HS3ST4: variants seen among roughly 807,000 people sequenced by gnomAD.
The protein encoded by HS3ST4 is heparan sulfate glucosamine 3-O-sulfotransferase 4.
Under a neutral mutation model 29.2 loss-of-function variants are expected in HS3ST4, and 17 were observed. The observed-to-expected ratio is 0.58, with a 90% CI of 0.40 to 0.87. The LOEUF is 0.87. Ranked by LOEUF, HS3ST4 falls within the 40% of genes least tolerant of loss-of-function variation. The pLI is 0.00. For missense variants in HS3ST4, 627 were observed against 634.5 expected (o/e 0.99, Z 0.13); for synonymous variants, 314 against 285.7 (o/e 1.10, Z -1.00).
At chr16:26,033,851 A>G (rs1969556877) in intron 1 of HS3ST4, among the ~76,000 whole-genome samples, 1 of 152,220 alleles carries the variant, frequency 6.6e-6, no homozygotes, top group South Asian at 2.1e-4. Context: ...TCTGAGCCTC[A>G]AGAGACTCAT....
At chr16:26,055,221 G>A (rs1437998686) in intron 1 of HS3ST4, among the ~76,000 whole-genome samples, 1 of 152,030 alleles carries the variant, frequency 6.6e-6, no homozygotes, top group Admixed American at 6.6e-5. Context: ...AGGATTTGAA[G>A]TTAGACTGGC....
At chr16:26,099,853 A>G (rs1400270709) in intron 1 of HS3ST4, among the ~76,000 whole-genome samples, 1 of 152,166 alleles carries the variant, frequency 6.6e-6, no homozygotes, top group African/African-American at 2.4e-5. Flanking sequence ...CAGTGGTGAT[A>G]AGTATTAGGG....
At chr16:26,125,386 G>A (rs957288989) in intron 1 of HS3ST4, among the ~76,000 whole-genome samples, 3 of 152,260 alleles carry the variant, frequency 2.0e-5, no homozygotes, top group East Asian at 1.9e-4. Context: ...TCTTGCTTCC[G>A]CAGTTCACAA....
intron 1 of HS3ST4, among the ~76,000 whole-genome samples, chr16:25,866,270 C>T (rs966377335): frequency 4.6e-5 from 7 of 152,262 alleles, no homozygotes; most frequent in African/African-American, 1.7e-4. Flanking sequence ...TGTGAGTTCA[C>T]TTGTACTTCT....
intron 1 of HS3ST4, among the ~76,000 whole-genome samples, chr16:25,892,931 C>A (rs867808847): frequency 6.6e-6 from 1 of 152,036 alleles, no homozygotes; most frequent in Non-Finnish European, 1.5e-5. Context: ...AATAAGTAGA[C>A]AAATGAAAGC....
intron 1 of HS3ST4, among the ~76,000 whole-genome samples, chr16:26,034,509 C>T (rs1324168665): frequency 2.6e-5 from 4 of 152,138 alleles, no homozygotes; most frequent in African/African-American, 9.7e-5. Context: ...TCTTTCCAGA[C>T]CTCTTGAGAA....
chr16:25,995,220 T>G (rs1207906233), intron 1 of HS3ST4, among the ~76,000 whole-genome samples: 2 of 152,186 alleles, frequency 1.3e-5, no homozygotes, highest in Non-Finnish European at 2.9e-5. Flanking sequence ...TCAAGATGTT[T>G]CCTGTGCAGA....
chr16:26,047,760 C>G (rs1390264495), intron 1 of HS3ST4, among the ~76,000 whole-genome samples: 1 of 152,110 alleles, frequency 6.6e-6, no homozygotes, highest in Non-Finnish European at 1.5e-5. Context: ...TGCTGAACTC[C>G]TTTTATATGA....
At chr16:25,696,500 G>GTT (rs11434979) in intron 1 of HS3ST4, among the ~76,000 whole-genome samples, 308 of 148,504 alleles carry the variant, frequency 2.1e-3, no homozygotes, top group South Asian at 5.5e-3. Context: ...TGGTTTGTTT[G>GTT]TTTTTTTTTT....
chr16:25,806,975 TTTTTG>T (rs537616667), intron 1 of HS3ST4, among the ~76,000 whole-genome samples: 1 of 151,990 alleles, frequency 6.6e-6, no homozygotes, highest in Non-Finnish European at 1.5e-5. Context: ...TTTGTTGCCT[TTTTTG>T]TTTTGTTTTG....
chr16:26,088,671 A>G (rs1457572971), intron 1 of HS3ST4, among the ~76,000 whole-genome samples: 1 of 152,200 alleles, frequency 6.6e-6, no homozygotes, highest in African/African-American at 2.4e-5. Context: ...CCTGTTGTAC[A>G]TGTGAGAAGC....
chr16:25,981,567 C>G (rs961826494), intron 1 of HS3ST4, among the ~76,000 whole-genome samples: 2 of 150,614 alleles, frequency 1.3e-5, no homozygotes, highest in African/African-American at 4.9e-5. Flanking sequence ...ACACCTGGAA[C>G]AGTATACCTT....
chr16:25,769,090 A>T (rs1966838878), intron 1 of HS3ST4, among the ~76,000 whole-genome samples: 1 of 152,154 alleles, frequency 6.6e-6, no homozygotes, highest in South Asian at 2.1e-4. Context: ...ACACATACGA[A>T]TCTGGAGTCA....
intron 1 of HS3ST4, among the ~76,000 whole-genome samples, chr16:25,803,596 T>G (rs1447664101): frequency 6.6e-6 from 1 of 152,170 alleles, no homozygotes; most frequent in Non-Finnish European, 1.5e-5. Context: ...CTTGTAGACT[T>G]TTTAGTTTTT....
chr16:25,706,757 T>C (rs936576905), intron 1 of HS3ST4, among the ~76,000 whole-genome samples: 14 of 152,188 alleles, frequency 9.2e-5, no homozygotes, highest in African/African-American at 3.4e-4. Flanking sequence ...AGGTTGCAGA[T>C]GGAATGAAGA....
chr16:25,993,112 C>G (rs1337910653), intron 1 of HS3ST4, among the ~76,000 whole-genome samples: 1 of 152,052 alleles, frequency 6.6e-6, no homozygotes, highest in Non-Finnish European at 1.5e-5. Context: ...GACCAAAGCC[C>G]CACAATCTAG....
chr16:26,108,286 G>T (rs1354054975), intron 1 of HS3ST4, among the ~76,000 whole-genome samples: 2 of 152,042 alleles, frequency 1.3e-5, no homozygotes. Flanking sequence ...TGCACTAGTG[G>T]CATATTATTA....
intron 1 of HS3ST4, among the ~76,000 whole-genome samples, chr16:25,966,567 C>T (rs1596629488): frequency 6.6e-6 from 1 of 152,088 alleles, no homozygotes; most frequent in East Asian, 1.9e-4. Flanking sequence ...CAGATATTGG[C>T]CAGCAGCTGG....
At chr16:25,925,788 T>C (rs1231289191) in intron 1 of HS3ST4, among the ~76,000 whole-genome samples, 1 of 152,090 alleles carries the variant, frequency 6.6e-6, no homozygotes, top group Non-Finnish European at 1.5e-5. Context: ...GAGGGTGGGG[T>C]AGTGCAACAG....
Sources: gnomAD v4.1 joint callset for allele counts (sites outside exome capture counted in the v4.1 genomes callset) on GRCh38, gnomAD v4.1.1 for gene constraint, MANE v1.5 for transcripts, NCBI Gene and HGNC (gene_info 2026-07-23, HGNC 2026-07-21) for gene names.